Variants in HS6ST3 observed in about 807,000 individuals in gnomAD.
The protein encoded by HS6ST3 is heparan sulfate 6-O-sulfotransferase 3, also known as heparan-sulfate 6-O-sulfotransferase 3.
Under a neutral mutation model 36.7 loss-of-function variants are expected in HS6ST3, and 12 were observed. The observed-to-expected ratio is 0.33, with a 90% confidence interval of 0.21 to 0.53. The LOEUF (loss-of-function observed/expected upper bound fraction) is 0.53. Ranked by LOEUF, HS6ST3 falls within the 20% of genes least tolerant of loss-of-function variation. The pLI is 0.95. For missense variants in HS6ST3, 584 were observed against 640.9 expected, an observed-to-expected ratio of 0.91 and a Z score of 0.96; for synonymous variants, 240 against 257.5, an observed-to-expected ratio of 0.93 and a Z score of 0.65.
At chr13:96,619,738 C>T (rs1295614819) in intron 1 of HS6ST3, among the ~76,000 whole-genome samples, 2 of 152,156 alleles carry the variant, frequency 1.3e-5, no homozygotes, top group Admixed American at 6.5e-5. Flanking sequence ...TATTGTATTA[C>T]CCACAAAATC....
intron 1 of HS6ST3, among the ~76,000 whole-genome samples, chr13:96,776,902 A>G (rs1225285446): frequency 1.3e-5 from 2 of 152,188 alleles, no homozygotes; most frequent in Non-Finnish European, 2.9e-5. Flanking sequence ...AGAAAATTAC[A>G]GGCCAATATC....
rs554458161 is a variant in HS6ST3 at position 96,201,851 on chromosome 13, G to A, written c.707+110282G>A. The stretch of plus-strand genomic sequence containing the variant: ...GTCATTGAACTTGTTAGTGTTGCAA[G>A]TGTAGAAAATACTTGTTTGTATCCT... On this transcript the variant is annotated intron_variant, in intron 1 of 1. Transcript: ENST00000376705. 2.2e-4 allele frequency among the ~76,000 whole-genome samples: 33 copies of A among 152,274 alleles called. No individual in the cohort carries two copies. In the South Asian group the frequency reaches 2.5e-3, roughly 11 times the overall value.
At chr13:96,547,321 C>T (rs1384941791) in intron 1 of HS6ST3, among the ~76,000 whole-genome samples, 1 of 152,134 alleles carries the variant, frequency 6.6e-6, no homozygotes, top group Non-Finnish European at 1.5e-5. Flanking sequence ...TAGCTCAAGG[C>T]AATCCATCAA....
intron 1 of HS6ST3, among the ~76,000 whole-genome samples, chr13:96,183,230 T>G (rs990958513): frequency 6.6e-5 from 10 of 152,278 alleles, no homozygotes; most frequent in African/African-American, 2.2e-4. Context: ...TAAAAGTTGA[T>G]TTTTCTTCTC....
intron 1 of HS6ST3, among the ~76,000 whole-genome samples, chr13:96,322,701 A>G (rs577935958): frequency 5.3e-5 from 8 of 152,348 alleles, no homozygotes; most frequent in African/African-American, 1.7e-4. Flanking sequence ...TTTACAGCGA[A>G]ACTCTAAAAA....
At chr13:96,335,571 A>G (rs1045682876) in intron 1 of HS6ST3, among the ~76,000 whole-genome samples, 2 of 152,162 alleles carry the variant, frequency 1.3e-5, no homozygotes, top group African/African-American at 2.4e-5. Flanking sequence ...TCTTTTAGCT[A>G]TAGCTGGGGT....
At chr13:96,828,005 C>G (rs1878684831) in intron 1 of HS6ST3, among the ~76,000 whole-genome samples, 1 of 152,208 alleles carries the variant, frequency 6.6e-6, no homozygotes, top group Non-Finnish European at 1.5e-5. Context: ...ATCATCAGTA[C>G]TTCCTCTTGG....
At chr13:96,542,513 T>G (rs1452708039) in intron 1 of HS6ST3, among the ~76,000 whole-genome samples, 2 of 152,162 alleles carry the variant, frequency 1.3e-5, no homozygotes. Context: ...TTTTCTGGCA[T>G]ATTTGGGAAG....
intron 1 of HS6ST3, among the ~76,000 whole-genome samples, chr13:96,233,310 C>G (rs553500043): frequency 6.6e-6 from 1 of 152,130 alleles, no homozygotes; most frequent in African/African-American, 2.4e-5. Context: ...ATGCAAAAGT[C>G]TTGTCATGGC....
chr13:96,620,240 C>G (rs1453900534), intron 1 of HS6ST3, among the ~76,000 whole-genome samples: 1 of 152,186 alleles, frequency 6.6e-6, no homozygotes, highest in Non-Finnish European at 1.5e-5. Context: ...GCACCCCTCC[C>G]TAACACTTTG....
chr13:96,340,746 T>C (rs2055125988), intron 1 of HS6ST3, among the ~76,000 whole-genome samples: 1 of 152,232 alleles, frequency 6.6e-6, no homozygotes, highest in South Asian at 2.1e-4. Flanking sequence ...CGTTCCCATC[T>C]CAGGGCTTAA....
At chr13:96,498,851 TCTC>T (rs1208887671) in intron 1 of HS6ST3, among the ~76,000 whole-genome samples, 1 of 152,194 alleles carries the variant, frequency 6.6e-6, no homozygotes, top group Non-Finnish European at 1.5e-5. Context: ...CTGTCATACT[TCTC>T]CTACCTTGTT....
At chr13:96,686,479 C>T (rs1395455990) in intron 1 of HS6ST3, among the ~76,000 whole-genome samples, 2 of 151,954 alleles carry the variant, frequency 1.3e-5, no homozygotes, top group African/African-American at 4.8e-5. Flanking sequence ...ATGGCTTGTG[C>T]TGACTAAGCA....
intron 1 of HS6ST3, among the ~76,000 whole-genome samples, chr13:96,673,006 T>C (rs529452654): frequency 2.3e-4 from 35 of 152,316 alleles, no homozygotes; most frequent in African/African-American, 7.7e-4. Flanking sequence ...AACATTGGGC[T>C]GAAATCAAGA....
chr13:96,639,451 G>A (rs1033636969), intron 1 of HS6ST3, among the ~76,000 whole-genome samples: 2 of 151,758 alleles, frequency 1.3e-5, no homozygotes, highest in African/African-American at 4.8e-5. Flanking sequence ...AGCATGTAAT[G>A]GGATTATATT....
intron 1 of HS6ST3, among the ~76,000 whole-genome samples, chr13:96,163,514 C>A (rs1420824431): frequency 6.6e-6 from 1 of 152,138 alleles, no homozygotes; most frequent in South Asian, 2.1e-4. Flanking sequence ...CAGGCGTGAG[C>A]CACTGCACCC....
intron 1 of HS6ST3, among the ~76,000 whole-genome samples, chr13:96,756,040 A>G (rs1265793419): frequency 6.6e-6 from 1 of 152,080 alleles, no homozygotes; most frequent in African/African-American, 2.4e-5. Context: ...ATGTTAACTC[A>G]CTTTAGTTTT....
At chr13:96,521,387 C>T (rs962883248) in intron 1 of HS6ST3, among the ~76,000 whole-genome samples, 1 of 152,158 alleles carries the variant, frequency 6.6e-6, no homozygotes, top group Non-Finnish European at 1.5e-5. Flanking sequence ...GGAGGATTCC[C>T]TCTTTTTCTA....
chr13:96,113,991 G>T (rs1038186667), intron 1 of HS6ST3, among the ~76,000 whole-genome samples: 7 of 151,810 alleles, frequency 4.6e-5, no homozygotes, highest in Non-Finnish European at 1.0e-4. Flanking sequence ...TATGTTTGAG[G>T]CACTGTTAAA....
Sources: allele counts gnomAD v4.1 joint callset (sites outside exome capture counted in the v4.1 genomes callset), GRCh38; gene constraint gnomAD v4.1.1; transcripts MANE v1.5; gene names NCBI Gene and HGNC (gene_info 2026-07-23, HGNC 2026-07-21).